NCKAP5: variants seen among roughly 807,000 people sequenced by gnomAD.
NCKAP5 encodes the protein nck-associated protein 5.
A neutral mutation model predicts 167.0 loss-of-function variants in NCKAP5; 92 were observed. That is an observed-to-expected ratio of 0.55 (90% CI 0.47 to 0.66). The LOEUF (loss-of-function observed/expected upper bound fraction) is 0.66. NCKAP5 is among the 30% of genes least tolerant of loss of function. The pLI, the probability that NCKAP5 is intolerant of heterozygous loss-of-function variation, is 0.00. For missense variants in NCKAP5, 2,378 were observed against 2,315.0 expected (o/e 1.03, Z -0.56); for synonymous variants, 891 against 877.4 (o/e 1.02, Z -0.27).
At chr2:133,360,735 G>T (rs1390922275) in intron 3 of NCKAP5, among the ~76,000 whole-genome samples, 2 of 152,064 alleles carry the variant, frequency 1.3e-5, no homozygotes, top group Non-Finnish European at 2.9e-5. Context: ...TACTACAATT[G>T]ATTCAAAGGG....
At chr2:133,109,216 G>A (rs778545916) in intron 6 of NCKAP5, among the ~76,000 whole-genome samples, 3 of 152,162 alleles carry the variant, frequency 2.0e-5, no homozygotes, top group Non-Finnish European at 4.4e-5. Flanking sequence ...CCACTTACTT[G>A]ATTGTAATAT....
chr2:132,703,230 C>T (rs1392552703), intron 19 of NCKAP5, among the ~76,000 whole-genome samples: 6 of 152,088 alleles, frequency 3.9e-5, no homozygotes, highest in Non-Finnish European at 8.8e-5. Flanking sequence ...AGATGTCCAA[C>T]AAAGTTGTGA....
the NCKAP5 span, among the ~76,000 whole-genome samples, chr2:133,625,725 G>C: frequency 6.6e-6 from 1 of 152,018 alleles, no homozygotes. Context: ...AAAAAAATTA[G>C]CCGGGCGTAG....
chr2:132,971,202 A>T (rs2076825162), intron 7 of NCKAP5, among the ~76,000 whole-genome samples: 1 of 152,180 alleles, frequency 6.6e-6, no homozygotes, highest in African/African-American at 2.4e-5. Flanking sequence ...TCCTGTGAGG[A>T]AGAGTTTCAA....
At chr2:132,993,129 A>G (rs978179627) in intron 7 of NCKAP5, among the ~76,000 whole-genome samples, 4 of 152,172 alleles carry the variant, frequency 2.6e-5, no homozygotes, top group African/African-American at 7.2e-5. Context: ...TGCTTTCTCA[A>G]ACCCACTGGC....
intron 16 of NCKAP5, among the ~76,000 whole-genome samples, chr2:132,767,969 C>A (rs1490709024): frequency 6.6e-6 from 1 of 152,186 alleles, no homozygotes; most frequent in East Asian, 1.9e-4. Flanking sequence ...TAGACCATGT[C>A]CTCTGTCATG....
rs184687094 is a variant in NCKAP5, at chr2:133,295,527, C to T, written c.143+7510G>A. ...TTAAAATATCTATGACATAGTGACG[C>T]AGAGTATTGGTGTTTCTTGGAATAT... On this transcript the variant is annotated intron_variant, in intron 4 of 19. Transcript: ENST00000409261. Among the ~76,000 whole-genome samples the T allele has an allele frequency of 1.3e-3, 191 of 152,206 alleles. 1 individual carries two copies. The highest frequency in any genetic ancestry group is 4.3e-3 in the African/African-American group (177 of 41,528).
In NCKAP5 at chr2:133,190,154, T is replaced by C. The variant is rs879694098; in HGVS notation, c.207+23562A>G. 2.5e-3 allele frequency among the ~76,000 whole-genome samples: 379 copies of C among 152,246 alleles called. 3 individuals carry two copies. The highest frequency in any genetic ancestry group is 3.9e-3 in the Non-Finnish European group (263 of 68,006). ...AACAGACAAACAGAGAGCCAAATCATGAGTGAACTCCCATTCACAATTGCT... is the reference window on the plus strand; with the variant it reads ...AACAGACAAACAGAGAGCCAAATCACGAGTGAACTCCCATTCACAATTGCT... On this transcript the variant is annotated intron_variant, in intron 5 of 19. Transcript: ENST00000409261.
chr2:132,946,055 T>C (rs1260543669), intron 8 of NCKAP5, among the ~76,000 whole-genome samples: 1 of 152,244 alleles, frequency 6.6e-6, no homozygotes, highest in Non-Finnish European at 1.5e-5. Context: ...TGCATTTTAA[T>C]ACAGAACTCT....
At chr2:133,571,451 G>T (rs1032903663), upstream of NCKAP5, among the ~76,000 whole-genome samples, 6 of 152,166 alleles carry the variant, frequency 3.9e-5, no homozygotes, top group Non-Finnish European at 8.8e-5. Context: ...CACCTGCTGA[G>T]TGTTGTCTCC....
intron 6 of NCKAP5, among the ~76,000 whole-genome samples, chr2:133,021,700 C>T (rs1348465523): frequency 2.0e-5 from 3 of 152,190 alleles, no homozygotes; most frequent in Admixed American, 6.5e-5. Context: ...GGCTCAGTCT[C>T]AGTTCACTAC....
chr2:133,477,669 A>C (rs1680052113), intron 3 of NCKAP5, among the ~76,000 whole-genome samples: 1 of 152,228 alleles, frequency 6.6e-6, no homozygotes, highest in Non-Finnish European at 1.5e-5. Flanking sequence ...ATACTGCAAT[A>C]AAAGTTATGT....
chr2:133,631,023 CAAG>C, the NCKAP5 span, among the ~76,000 whole-genome samples: 1,316 of 152,034 alleles, frequency 8.7e-3, 15 homozygotes, highest in African/African-American at 0.03. Flanking sequence ...AAATGCCCAA[CAAG>C]AAGGAATGGT....
intron 3 of NCKAP5, among the ~76,000 whole-genome samples, chr2:133,475,532 T>C (rs1679804627): frequency 6.6e-6 from 1 of 152,250 alleles, no homozygotes; most frequent in East Asian, 1.9e-4. Flanking sequence ...CAAATATCTG[T>C]TGAAGGATGG....
chr2:133,662,797 T>C, the NCKAP5 span, among the ~76,000 whole-genome samples: 2 of 151,360 alleles, frequency 1.3e-5, no homozygotes, highest in African/African-American at 2.4e-5. Flanking sequence ...ATATTGCAGG[T>C]TGGGCTCCTG....
chr2:132,955,030 C>T (rs912893099), intron 8 of NCKAP5, among the ~76,000 whole-genome samples: 4 of 152,190 alleles, frequency 2.6e-5, no homozygotes, highest in South Asian at 2.1e-4. Flanking sequence ...CTGGTGTTAC[C>T]TGTCAGCAAA....
At chr2:132,992,487 A>G (rs965764413) in intron 7 of NCKAP5, among the ~76,000 whole-genome samples, 4 of 152,300 alleles carry the variant, frequency 2.6e-5, no homozygotes, top group African/African-American at 9.6e-5. Flanking sequence ...ATGATGCCTG[A>G]TTATTTAGTT....
intron 12 of NCKAP5, among the ~76,000 whole-genome samples, chr2:132,790,895 T>C (rs1016405217): frequency 1.3e-5 from 2 of 152,200 alleles, no homozygotes; most frequent in African/African-American, 4.8e-5. Context: ...ACAAGGGTGG[T>C]CTTATTTTAT....
At chr2:133,131,040 C>G (rs1440127527) in intron 5 of NCKAP5, among the ~76,000 whole-genome samples, 1 of 152,112 alleles carries the variant, frequency 6.6e-6, no homozygotes, top group Admixed American at 6.5e-5. Flanking sequence ...TGAAATAAAC[C>G]AAACACTATG....
Sources: gnomAD v4.1 joint callset for allele counts (sites outside exome capture counted in the v4.1 genomes callset) on GRCh38, gnomAD v4.1.1 for gene constraint, MANE v1.5 for transcripts, NCBI Gene and HGNC (gene_info 2026-07-23, HGNC 2026-07-21) for gene names.